Variants in EP300 observed in about 807,000 individuals in gnomAD.
The protein encoded by EP300 is histone acetyltransferase p300.
In EP300, 31 loss-of-function variants were observed where a neutral mutation model predicts 264.0. The ratio of observed to expected loss-of-function variants is 0.12; its 90% CI spans 0.09 to 0.16. The LOEUF is 0.16. EP300 is among the 10% of genes least tolerant of loss of function. EP300 has a pLI of 1.00. For synonymous variants in EP300, 1,340 were observed against 1,045.4 expected, an observed-to-expected ratio of 1.28 and a Z score of -5.44; for missense variants, 2,766 against 3,052.9, an observed-to-expected ratio of 0.91 and a Z score of 2.21.
intron 23 of EP300, among the ~76,000 whole-genome samples, chr22:41,167,914 C>T (rs58268766): frequency 0.28 from 38,735 of 140,744 alleles, 6,265 homozygotes; most frequent in East Asian, 0.57. Context: ...CTCTGCCTCC[C>T]GGGTTCAAGC....
rs1032196303 is a variant in EP300 at position 41,149,276 on chromosome 22, C to T, written c.2379+101C>T. ...AGTGGCAGCAAATAGTGGGTGAAAA[C>T]AGATGATTTTTTAAAAAATAACAAT... On this transcript the variant is annotated intron_variant, in intron 13 of 30. Transcript: ENST00000263253. 3.1e-5 allele frequency: 43 copies of T among 1,384,626 alleles called. No individual in the cohort carries two copies. The African/African-American group carries it at 4.7e-4, about 15-fold the overall frequency. 85.8% of individuals were successfully genotyped at this position (1,384,626 alleles called of 1,614,324 possible).
At chr22:41,111,242 C>G (rs1361200425) in intron 1 of EP300, among the ~76,000 whole-genome samples, 1 of 152,172 alleles carries the variant, frequency 6.6e-6, no homozygotes, top group Non-Finnish European at 1.5e-5. Flanking sequence ...TCCCAAAGTG[C>G]TAGGATTACA....
At chr22:41,173,811 G>GA in intron 29 of EP300, 27 bp downstream of exon 29, 3 of 1,613,538 alleles carry the variant, frequency 1.9e-6, no homozygotes, top group African/African-American at 1.3e-5. Flanking sequence ...CAGAGTTGGG[G>GA]AAAAACGGCA....
chr22:41,140,972 C>T (rs2145725660), intron 9 of EP300, 76 bp from the exon 10 acceptor site: 3 of 1,355,310 alleles, frequency 2.2e-6, no homozygotes, highest in Non-Finnish European at 3.1e-6. Context: ...TATCTATTCT[C>T]AGTTTATTTT....
intron 29 of EP300, among the ~76,000 whole-genome samples, chr22:41,175,740 C>G (rs1324943200): frequency 6.6e-6 from 1 of 152,240 alleles, no homozygotes; most frequent in Non-Finnish European, 1.5e-5. Flanking sequence ...AAAATGTCCA[C>G]TGTGCATGGT....
chr22:41,125,708 T>G (rs117458985), intron 2 of EP300, 156 bp from the exon 3 acceptor site: 1 of 762,760 alleles, frequency 1.3e-6, no homozygotes. Context: ...AGAGATGGGG[T>G]TTTGTCACGT....
intron 16 of EP300, among the ~76,000 whole-genome samples, chr22:41,154,779 G>GTGA (rs954399925): frequency 6.6e-6 from 1 of 152,116 alleles, no homozygotes; most frequent in Non-Finnish European, 1.5e-5. Context: ...GTGTTTTAAG[G>GTGA]TGATAAGACA....
rs2059102924 is a variant in EP300, at chr22:41,160,633, T to C, written c.3591-9T>C. 7 of 1,613,834 alleles carry C rather than the reference T, an allele frequency of 4.3e-6. No individual in the cohort carries two copies. In the South Asian group the frequency reaches 7.7e-5, roughly 18 times the overall value. On this transcript the variant is annotated splice_polypyrimidine_tract_variant and intron_variant, in intron 19 of 30. Coordinates refer to ENST00000263253, the MANE Select transcript of EP300 (RefSeq NM_001429.4). ...ACAGTTCACCCCAGTATGGCCTTCT[T>C]GCCGACAGGTATCATTTCTGTGAGA...
chr22:41,135,161 A>G (rs1003727808), intron 6 of EP300, among the ~76,000 whole-genome samples: 3 of 152,138 alleles, frequency 2.0e-5, no homozygotes, highest in African/African-American at 7.2e-5. Context: ...CGGCCTCCCA[A>G]AGTGCTGGGA....
intron 1 of EP300, among the ~76,000 whole-genome samples, chr22:41,113,313 C>T (rs1298451258): frequency 2.6e-5 from 4 of 151,900 alleles, no homozygotes; most frequent in Admixed American, 2.0e-4. Flanking sequence ...ATTGCTTTAT[C>T]TTTTAATTTT....
rs2145724948 is a variant in EP300, at chr22:41,140,189, C to T, written c.1810C>T (p.Arg604Trp). 2 of 1,614,086 alleles carry T rather than the reference C, an allele frequency of 1.2e-6. No individual in the cohort carries two copies. The highest frequency in any genetic ancestry group is 1.7e-6 in the Non-Finnish European group (2 of 1,179,990). Residue 604 changes from arginine (R) to tryptophan (W), a missense_variant, in exon 9 of 31, where the codon CGG becomes TGG. Coordinates refer to ENST00000263253, the MANE Select transcript of EP300 (RefSeq NM_001429.4). ...TPDPAALKDR[R>W]MENLVAYARK... ...GGATCCTGCTGCTTTAAAAGACAGA[C>T]GGATGGAAAACCTAGTTGCATATGC...
intron 2 of EP300, among the ~76,000 whole-genome samples, chr22:41,121,603 A>G (rs909409236): frequency 3.3e-5 from 5 of 152,212 alleles, no homozygotes; most frequent in Admixed American, 3.3e-4. Context: ...ATAGTCTGCC[A>G]TAGAGGAGCT....
rs201054979 is a variant in EP300 at position 41,149,800 on chromosome 22, A to G, written c.2419A>G (p.Ile807Val). 44 of 1,614,080 alleles carry G rather than the reference A, an allele frequency of 2.7e-5. No individual in the cohort carries two copies. The highest frequency in any genetic ancestry group is 1.6e-4 in the Middle Eastern group (1 of 6,062). Reference protein sequence around the residue: ...SSSSCPVNSPIMPPGSQGSHI... With the variant: ...SSSSCPVNSPVMPPGSQGSHI... ...TTCTTCCTGCCCGGTGAACTCTCCTATAATGCCTCCAGGGTCTCAGGGGAG... is the reference window on the plus strand; with the variant it reads ...TTCTTCCTGCCCGGTGAACTCTCCTGTAATGCCTCCAGGGTCTCAGGGGAG... The change falls in exon 14 of 31, where the codon ATA (isoleucine) becomes GTA (valine). Residue 807 changes from isoleucine (I) to valine (V), a missense_variant. Transcript: ENST00000263253.
At position 41,163,383 on chromosome 22, in the gene EP300, C is replaced by T. The variant is rs1339888658; in HGVS notation, c.3728+604C>T. ...CTGGGAGGCGGAGCTTGCAGTGAGC[C>T]GAGATCCCGCCACTGCACTCCAGCC... On this transcript the variant is annotated intron_variant, in intron 21 of 30. Transcript: ENST00000263253. 2.2e-5 allele frequency among the ~76,000 whole-genome samples: 3 copies of T among 133,620 alleles called. No individual in the cohort carries two copies. In the Admixed American group the frequency reaches 2.5e-4, roughly 11 times the overall value. 87.7% of individuals were successfully genotyped at this position (133,620 alleles called of 152,430 possible). A position where few individuals can be genotyped will look rare whatever the true frequency, so the allele number is the denominator to read the frequency against.
intron 2 of EP300, among the ~76,000 whole-genome samples, chr22:41,122,963 A>C (rs900123103): frequency 3.3e-5 from 5 of 152,102 alleles, no homozygotes; most frequent in African/African-American, 1.2e-4. Flanking sequence ...TTGAGCCCAG[A>C]GGTTGGGAAT....
At chr22:41,150,340 C>A in intron 14 of EP300, 142 bp downstream of exon 14, 1 of 1,060,042 alleles carries the variant, frequency 9.4e-7, no homozygotes, top group Non-Finnish European at 1.4e-6. Flanking sequence ...TCATTAGGGA[C>A]TTTTGTATCC....
At chr22:41,137,922 C>A in intron 8 of EP300, 132 bp downstream of exon 8, 1 of 1,238,014 alleles carries the variant, frequency 8.1e-7, no homozygotes, top group Non-Finnish European at 1.2e-6. Flanking sequence ...GTTGATACTT[C>A]TACTCTTGTG....
At position 41,149,812 on chromosome 22, in the gene EP300, G is replaced by T; in HGVS notation, c.2431G>T (p.Gly811Trp). 3.1e-6 allele frequency: 5 copies of T among 1,613,952 alleles called. No homozygotes were observed. Among genetic ancestry groups the T allele is most frequent in the Non-Finnish European group, 4.2e-6 (5 of 1,180,002 alleles). Residue 811 changes from glycine to tryptophan, a missense_variant, in exon 14 of 31, where the codon GGG (glycine) becomes TGG (tryptophan). Gly to Trp is a radical substitution (Grantham distance 184, BLOSUM62 -2). Coordinates refer to ENST00000263253, the MANE Select transcript of EP300 (RefSeq NM_001429.4). ...GGTGAACTCTCCTATAATGCCTCCA[G>T]GGTCTCAGGGGAGCCACATTCACTG... Reference protein sequence around the residue: ...CPVNSPIMPPGSQGSHIHCPQ... With the variant: ...CPVNSPIMPPWSQGSHIHCPQ...
chr22:41,167,361 G>T (rs1320078364), intron 23 of EP300, among the ~76,000 whole-genome samples: 2 of 151,888 alleles, frequency 1.3e-5, no homozygotes, highest in African/African-American at 4.8e-5. Flanking sequence ...TACTGTGCCA[G>T]GAGGATGTCA....
Sources: allele counts gnomAD v4.1 joint callset (sites outside exome capture counted in the v4.1 genomes callset), GRCh38; gene constraint gnomAD v4.1.1; transcripts MANE v1.5; gene names NCBI Gene and HGNC (gene_info 2026-07-23, HGNC 2026-07-21).